Variants in GTF2E1 observed in about 807,000 individuals in gnomAD.
The protein encoded by GTF2E1 is TFIIE alpha subunit.
A neutral mutation model predicts 34.9 loss-of-function variants in GTF2E1; 14 were observed. The ratio of observed to expected loss-of-function variants is 0.40; its 90% CI spans 0.27 to 0.63. The LOEUF is 0.63. Ranked by LOEUF, GTF2E1 falls within the 20% of genes least tolerant of loss-of-function variation. The pLI, the probability that GTF2E1 is intolerant of heterozygous loss-of-function variation, is 0.39. For missense variants in GTF2E1, 469 were observed against 557.7 expected, an observed-to-expected ratio of 0.84 and a Z score of 1.60; for synonymous variants, 188 against 192.9, an observed-to-expected ratio of 0.97 and a Z score of 0.21.
At position 120,769,093 on chromosome 3, in the gene GTF2E1, T is replaced by G. The variant is rs188141711; in HGVS notation, c.449-1635T>G. On this transcript the variant is annotated intron_variant, in intron 2 of 4. Coordinates refer to ENST00000283875, the MANE Select transcript of GTF2E1 (RefSeq NM_005513.3). ...AGGTTGTTGATTCTCATATCTAAAT[T>G]TGTAGTCTAAACCCCTCTCTTGAGC... Among the ~76,000 whole-genome samples the G allele has an allele frequency of 2.5e-3, 387 of 152,238 alleles. 1 individual carries two copies. The highest frequency in any genetic ancestry group is 9.0e-3 in the African/African-American group (373 of 41,546).
chr3:120,771,968 TG>T (rs1204745646), intron 3 of GTF2E1, among the ~76,000 whole-genome samples: 1 of 152,208 alleles, frequency 6.6e-6, no homozygotes, highest in Admixed American at 6.5e-5. Context: ...AGTTCAAAAC[TG>T]GTTAATTTCA....
chr3:120,757,928 C>T (rs542851259), intron 2 of GTF2E1, among the ~76,000 whole-genome samples: 158 of 152,218 alleles, frequency 1.0e-3, no homozygotes, highest in African/African-American at 3.7e-3. Context: ...TTTGGGAGGC[C>T]GAGGTGGGCG....
intron 2 of GTF2E1, among the ~76,000 whole-genome samples, chr3:120,754,060 T>C (rs1709188439): frequency 6.6e-6 from 1 of 152,220 alleles, no homozygotes; most frequent in Non-Finnish European, 1.5e-5. Flanking sequence ...GTTTTAGATT[T>C]AGCAAGCTTT....
At chr3:120,755,263 G>A (rs948309053) in intron 2 of GTF2E1, among the ~76,000 whole-genome samples, 1 of 152,068 alleles carries the variant, frequency 6.6e-6, no homozygotes, top group Admixed American at 6.5e-5. Context: ...GTCCCTTCTT[G>A]GCTTGTGACT....
In GTF2E1 at chr3:120,750,918, C is replaced by T. The variant is rs1270058265; in HGVS notation, c.366C>T (p.Thr122=). The change falls in exon 2 of 5, where the codon ACC becomes ACT. Residue 122 remains threonine, a synonymous_variant. Coordinates refer to ENST00000283875, the MANE Select transcript of GTF2E1 (RefSeq NM_005513.3). ...TTGAGACCGATGAGAGAGATTCGAC[C>T]AACCGGGCTTCCTTCAAATGTCCTG... is the stretch of plus-strand genomic sequence containing the variant. The part of the protein sequence containing the change: ...RRIETDERDS[T]NRASFKCPVC... 1.2e-6 allele frequency: 2 copies of T among 1,613,898 alleles called. No homozygotes were observed. Among genetic ancestry groups the T allele is most frequent in the Admixed American group, 3.3e-5 (2 of 59,990 alleles).
At chr3:120,765,791 C>G (rs1374170038) in intron 2 of GTF2E1, among the ~76,000 whole-genome samples, 1 of 152,126 alleles carries the variant, frequency 6.6e-6, no homozygotes, top group Non-Finnish European at 1.5e-5. Flanking sequence ...CTGAGTATAG[C>G]TTATCAAACA....
chr3:120,771,085 C>T (rs561798813), intron 3 of GTF2E1, among the ~76,000 whole-genome samples, 156 bp downstream of exon 3: 10 of 152,264 alleles, frequency 6.6e-5, no homozygotes, highest in African/African-American at 1.4e-4. Context: ...GTCTGATTAA[C>T]GTGTGCCTGT....
chr3:120,771,033 C>A, intron 3 of GTF2E1, 104 bp downstream of exon 3: 1 of 892,992 alleles, frequency 1.1e-6, no homozygotes. Context: ...CTAGGAGACT[C>A]AAGACTGTAA....
At chr3:120,775,188 G>A (rs116445398) in intron 3 of GTF2E1, among the ~76,000 whole-genome samples, 481 of 152,276 alleles carry the variant, frequency 3.2e-3, no homozygotes, top group Non-Finnish European at 5.1e-3. Context: ...TAAGACAAAA[G>A]TGAAGGCAAA....
chr3:120,776,420 T>C lies in GTF2E1; in HGVS notation c.651-3T>C, dbSNP rs1212568362. The C allele has an allele frequency of 6.2e-7, 1 of 1,608,972 alleles. No individual in the cohort carries two copies. ...CCTGTACTCCTCTATTCTTTTTATA[T>C]AGCAAGGACCATGCAGCAACTACTG... On this transcript the variant is annotated splice_region_variant and splice_polypyrimidine_tract_variant and intron_variant, in intron 3 of 4. Coordinates refer to ENST00000283875, the MANE Select transcript of GTF2E1 (RefSeq NM_005513.3).
rs546477206 is a variant in GTF2E1 at position 120,746,664 on chromosome 3, T to C, written c.-30-3859T>C. ...AAACACAAAAATTAGTCAGTCATGG[T>C]GGTGTCCACCCGTAGTCTCAGCTAC... On this transcript the variant is annotated intron_variant, in intron 1 of 4. Coordinates refer to ENST00000283875, the MANE Select transcript of GTF2E1 (RefSeq NM_005513.3). Among the ~76,000 whole-genome samples, 4 of 152,220 alleles carry C rather than the reference T, an allele frequency of 2.6e-5. No homozygotes were observed. The East Asian group carries it at 7.7e-4, about 29-fold the overall frequency.
intron 2 of GTF2E1, among the ~76,000 whole-genome samples, chr3:120,752,761 AC>A (rs2107606045): frequency 6.6e-6 from 1 of 152,182 alleles, no homozygotes; most frequent in East Asian, 1.9e-4. Flanking sequence ...TAAAACTGAA[AC>A]AATTGTGTTG....
rs71133517 is a variant in GTF2E1 at position 120,781,715 on chromosome 3, CTT to C, written c.*260_*261del. The C allele has an allele frequency of 0.018, 3,942 of 221,764 alleles. No homozygotes were observed. Among genetic ancestry groups the C allele is most frequent in the South Asian group, 0.035 (479 of 13,642 alleles). 13.7% of individuals were successfully genotyped at this position (221,764 alleles called of 1,614,324 possible). On this transcript the variant is annotated 3_prime_UTR_variant, in exon 5 of 5. Transcript: ENST00000283875. ...TTAATATTTTACTGTATTTTCTTTT[CTT>C]TTTTTTTTTTTTTTGGAGATGAAGT...
intron 2 of GTF2E1, among the ~76,000 whole-genome samples, chr3:120,762,505 T>TA (rs1299753613): frequency 6.6e-6 from 1 of 152,230 alleles, no homozygotes; most frequent in Non-Finnish European, 1.5e-5. Context: ...AAGTGATTCT[T>TA]AAATACTTTA....
intron 2 of GTF2E1, among the ~76,000 whole-genome samples, chr3:120,756,005 T>G (rs1709205699): frequency 6.6e-6 from 1 of 152,248 alleles, no homozygotes; most frequent in East Asian, 1.9e-4. Context: ...CTTTATCTAG[T>G]CATCTGTTGA....
chr3:120,750,175 C>T lies in GTF2E1; in HGVS notation c.-30-348C>T, dbSNP rs148509298. Among the ~76,000 whole-genome samples the T allele has an allele frequency of 3.3e-5, 5 of 152,316 alleles. No homozygotes were observed. The East Asian group carries it at 9.6e-4, about 29-fold the overall frequency. ...AGGAAATGCGAACTGCTAGTTTTCT[C>T]AGGGTTTCCAGCATTCCCAAAGAAT... On this transcript the variant is annotated intron_variant, in intron 1 of 4. Coordinates refer to ENST00000283875, the MANE Select transcript of GTF2E1 (RefSeq NM_005513.3).
rs1418846490 is a variant in GTF2E1 at position 120,781,021 on chromosome 3, CTT to C, written c.893-20_893-19del. 6.5e-7 allele frequency: 1 copy of C among 1,538,736 alleles called. No individual in the cohort carries two copies. The highest frequency in any genetic ancestry group is 1.9e-5 in the Admixed American group (1 of 52,612). ...TGCCATTTATATTTAAGGATATTGACTTTCTGAGTTTTACTCCCCAGGGGGCA... is the reference window on the plus strand; with the variant it reads ...TGCCATTTATATTTAAGGATATTGACTCTGAGTTTTACTCCCCAGGGGGCA... On this transcript the variant is annotated intron_variant, in intron 4 of 4. Transcript: ENST00000283875.
At chr3:120,763,005 T>C (rs569858096) in intron 2 of GTF2E1, among the ~76,000 whole-genome samples, 1 of 152,286 alleles carries the variant, frequency 6.6e-6, no homozygotes, top group South Asian at 2.1e-4. Flanking sequence ...ATAGTATTCA[T>C]ATAGAAAATA....
intron 3 of GTF2E1, among the ~76,000 whole-genome samples, chr3:120,774,427 A>G (rs1709381463): frequency 6.6e-6 from 1 of 152,220 alleles, no homozygotes; most frequent in African/African-American, 2.4e-5. Context: ...ATACAAAGTA[A>G]GCAGCATCAT....
Sources: gnomAD v4.1 joint callset for allele counts (sites outside exome capture counted in the v4.1 genomes callset) on GRCh38, gnomAD v4.1.1 for gene constraint, MANE v1.5 for transcripts, NCBI Gene and HGNC (gene_info 2026-07-23, HGNC 2026-07-21) for gene names.